REEP1: variants seen among roughly 807,000 people sequenced by gnomAD.
REEP1 encodes receptor accessory protein 1.
A neutral mutation model predicts 40.3 loss-of-function variants in REEP1; 22 were observed. That is an observed-to-expected ratio of 0.55 (90% CI 0.39 to 0.78). The LOEUF (loss-of-function observed/expected upper bound fraction) is 0.78. REEP1 is among the 30% of genes least tolerant of loss of function. The pLI is 0.00. For synonymous variants in REEP1, 116 were observed against 139.2 expected (o/e 0.83, Z 1.17); for missense variants, 280 against 361.1 (o/e 0.78, Z 1.82).
chr2:86,292,735 G>A (rs1019742118), intron 1 of REEP1, among the ~76,000 whole-genome samples: 1 of 152,190 alleles, frequency 6.6e-6, no homozygotes, highest in Admixed American at 6.5e-5. Context: ...TGAAAAAGGG[G>A]TGGGGGGAAA....
chr2:86,324,632 C>A, intron 1 of REEP1, among the ~76,000 whole-genome samples: 1 of 152,168 alleles, frequency 6.6e-6, no homozygotes, highest in East Asian at 1.9e-4. Flanking sequence ...CACGTAATTA[C>A]AACAGTGTGG....
At chr2:86,245,903 T>C (rs1289603097) in intron 5 of REEP1, among the ~76,000 whole-genome samples, 1 of 152,008 alleles carries the variant, frequency 6.6e-6, no homozygotes, top group Non-Finnish European at 1.5e-5. Context: ...TAGCTGGGAC[T>C]ACAGGCGCCC....
chr2:86,270,433 T>C (rs545494079), intron 2 of REEP1, among the ~76,000 whole-genome samples: 203 of 152,280 alleles, frequency 1.3e-3, no homozygotes, highest in Middle Eastern at 6.8e-3. Flanking sequence ...TGACCTCAGG[T>C]GATCCACCCA....
At chr2:86,261,609 C>T (rs539259009) in intron 3 of REEP1, among the ~76,000 whole-genome samples, 2 of 152,326 alleles carry the variant, frequency 1.3e-5, no homozygotes, top group South Asian at 2.1e-4. Context: ...CCCGCAGGGA[C>T]CTCTGCCTAG....
At chr2:86,314,473 G>A (rs772184491) in intron 1 of REEP1, among the ~76,000 whole-genome samples, 8 of 151,946 alleles carry the variant, frequency 5.3e-5, no homozygotes, top group Non-Finnish European at 1.0e-4. Flanking sequence ...GGGTGAGCAG[G>A]CTGGCTGGGG....
At chr2:86,253,277 C>T (rs578153201) in intron 4 of REEP1, among the ~76,000 whole-genome samples, 33 of 152,090 alleles carry the variant, frequency 2.2e-4, no homozygotes, top group South Asian at 4.2e-4. Flanking sequence ...CAAGATTCCG[C>T]GCCCCCCACC....
At chr2:86,225,719 G>A (rs897865472) in intron 7 of REEP1, among the ~76,000 whole-genome samples, 1 of 152,228 alleles carries the variant, frequency 6.6e-6, no homozygotes, top group South Asian at 2.1e-4. Flanking sequence ...ATGCCTCCGC[G>A]GCACCAGGGC....
intron 5 of REEP1, among the ~76,000 whole-genome samples, chr2:86,245,931 A>AT (rs1266717151): frequency 2.0e-5 from 3 of 151,652 alleles, no homozygotes; most frequent in Admixed American, 6.6e-5. Context: ...CGCCCGGCTA[A>AT]TTTTTTGTAT....
intron 2 of REEP1, among the ~76,000 whole-genome samples, chr2:86,267,000 C>G (rs1677179878): frequency 7.0e-6 from 1 of 142,818 alleles, no homozygotes; most frequent in Non-Finnish European, 1.5e-5. Flanking sequence ...GAGCAAGACT[C>G]TGTCTCAGGG....
chr2:86,296,073 A>C (rs1344662281), intron 1 of REEP1, among the ~76,000 whole-genome samples: 2 of 152,242 alleles, frequency 1.3e-5, no homozygotes, highest in African/African-American at 4.8e-5. Context: ...TCCATTTATG[A>C]GCCTCAAATG....
intron 2 of REEP1, among the ~76,000 whole-genome samples, chr2:86,270,363 A>G (rs1363595009): frequency 6.6e-6 from 1 of 152,020 alleles, no homozygotes; most frequent in African/African-American, 2.4e-5. Context: ...CGCCTGGCTA[A>G]TTTTGTATTT....
intron 7 of REEP1, among the ~76,000 whole-genome samples, chr2:86,222,679 T>C (rs968004025): frequency 6.6e-6 from 1 of 152,214 alleles, no homozygotes; most frequent in Non-Finnish European, 1.5e-5. Context: ...TTCTCCCCAC[T>C]GATTCCATCT....
chr2:86,301,812 T>C (rs1374499879), intron 1 of REEP1, among the ~76,000 whole-genome samples: 1 of 152,224 alleles, frequency 6.6e-6, no homozygotes, highest in African/African-American at 2.4e-5. Context: ...CTTCAACAGA[T>C]GCACCTGTCC....
intron 4 of REEP1, 104 bp downstream of exon 4, chr2:86,254,590 T>G: frequency 7.7e-7 from 1 of 1,293,520 alleles, no homozygotes; most frequent in Non-Finnish European, 1.1e-6. Flanking sequence ...TGGAGGCAAA[T>G]GAGAGCCAAA....
At chr2:86,302,565 T>A (rs1365334124) in intron 1 of REEP1, among the ~76,000 whole-genome samples, 1 of 152,182 alleles carries the variant, frequency 6.6e-6, no homozygotes, top group Non-Finnish European at 1.5e-5. Context: ...GATTAACACA[T>A]AAATATGTTC....
At position 86,214,341 on chromosome 2, in the gene REEP1, C is replaced by T. The variant is rs1172639372; in HGVS notation, c.*2698G>A. 1.3e-5 allele frequency: 2 copies of T among 152,660 alleles called. No homozygotes were observed. Among genetic ancestry groups the T allele is most frequent in the East Asian group, 1.9e-4 (1 of 5,204 alleles). The allele number at this position is 152,660 out of a possible 1,614,324, so 9.5% of individuals were successfully genotyped here. ...CACATGGATAGCTTATCACGGAGAA[C>T]ACATTTCAAAGGCCAGCAAAGTGAG... is the stretch of plus-strand genomic sequence containing the variant. On this transcript the variant is annotated 3_prime_UTR_variant, in exon 9 of 9. Transcript: ENST00000538924.
intron 1 of REEP1, among the ~76,000 whole-genome samples, chr2:86,330,457 GTGTGTT>G (rs1355966021): frequency 2.8e-5 from 4 of 145,064 alleles, no homozygotes; most frequent in Non-Finnish European, 6.0e-5. Flanking sequence ...GTGTGTGTGT[GTGTGTT>G]AAGACAGGGT....
At chr2:86,245,949 A>G (rs1326883867) in intron 5 of REEP1, among the ~76,000 whole-genome samples, 4 of 152,020 alleles carry the variant, frequency 2.6e-5, no homozygotes, top group African/African-American at 4.8e-5. Context: ...TATTTTTAGT[A>G]GAGACGGGGT....
intron 1 of REEP1, among the ~76,000 whole-genome samples, chr2:86,307,795 A>T (rs1679570641): frequency 6.6e-6 from 1 of 152,152 alleles, no homozygotes; most frequent in South Asian, 2.1e-4. Context: ...AAGACTTTCT[A>T]TTACGTTACC....
Sources: allele counts gnomAD v4.1 joint callset (sites outside exome capture counted in the v4.1 genomes callset), GRCh38; gene constraint gnomAD v4.1.1; transcripts MANE v1.5; gene names NCBI Gene and HGNC (gene_info 2026-07-23, HGNC 2026-07-21).